LRRC7: variants seen among roughly 807,000 people sequenced by gnomAD.
LRRC7 encodes leucine-rich repeat-containing protein 7.
LRRC7 carries 23 observed loss-of-function variants against 175.7 expected under a neutral mutation model. That is an observed-to-expected ratio of 0.13 (90% confidence interval 0.09 to 0.19). The LOEUF (loss-of-function observed/expected upper bound fraction) is 0.19, where lower values mean the gene tolerates loss of function less well. Among genes scored for constraint, LRRC7 ranks in the 10% least tolerant of loss-of-function variants. The pLI is 1.00. For synonymous variants in LRRC7, 685 were observed against 680.9 expected, an observed-to-expected ratio of 1.01 and a Z score of -0.09; for missense variants, 1,354 against 1,904.7, an observed-to-expected ratio of 0.71 and a Z score of 5.38.
intron 4 of LRRC7, 26 bp from the exon 5 acceptor site, chr1:69,825,722 T>A: frequency 1.4e-6 from 2 of 1,433,332 alleles, no homozygotes; most frequent in Non-Finnish European, 1.9e-6. Context: ...AACATTTTCA[T>A]GTACTTTGTT....
chr1:70,109,078 A>G (rs182397444), intron 26 of LRRC7, among the ~76,000 whole-genome samples: 18 of 152,036 alleles, frequency 1.2e-4, no homozygotes, highest in African/African-American at 3.9e-4. Flanking sequence ...CTGGAGTGCA[A>G]TGGCACGATC....
chr1:70,100,271 C>A (rs934880434), intron 25 of LRRC7, among the ~76,000 whole-genome samples: 45 of 152,110 alleles, frequency 3.0e-4, no homozygotes, highest in Non-Finnish European at 8.8e-5. Context: ...TATATCATTT[C>A]TAAAAGCAAT....
chr1:69,739,901 C>A (rs1448464609), intron 2 of LRRC7, among the ~76,000 whole-genome samples: 4 of 152,028 alleles, frequency 2.6e-5, no homozygotes, highest in Non-Finnish European at 5.9e-5. Context: ...AAACTGAATG[C>A]ACTTAAGTGT....
At chr1:69,880,382 G>A (rs1686477354) in intron 7 of LRRC7, among the ~76,000 whole-genome samples, 1 of 152,216 alleles carries the variant, frequency 6.6e-6, no homozygotes, top group Admixed American at 6.5e-5. Flanking sequence ...CAGGGCAGAA[G>A]ATGGGGTAGA....
At chr1:69,948,331 A>G (rs1306976727) in intron 8 of LRRC7, among the ~76,000 whole-genome samples, 2 of 152,076 alleles carry the variant, frequency 1.3e-5, no homozygotes, top group Non-Finnish European at 2.9e-5. Context: ...CTTTTGTGTC[A>G]CTGTTTACTG....
chr1:70,031,719 T>A (rs1658740736), intron 18 of LRRC7, among the ~76,000 whole-genome samples: 1 of 152,118 alleles, frequency 6.6e-6, no homozygotes, highest in South Asian at 2.1e-4. Flanking sequence ...TTTCTGTTTA[T>A]CATTGATTTT....
intron 4 of LRRC7, among the ~76,000 whole-genome samples, chr1:69,802,617 G>A (rs1676649966): frequency 6.6e-6 from 1 of 151,234 alleles, no homozygotes; most frequent in Admixed American, 6.6e-5. Flanking sequence ...TTGCTTACCA[G>A]TAAGGTGAAT....
In LRRC7 at chr1:70,133,473, G is replaced by C. The variant is rs1325483453; in HGVS notation, c.*11586G>C. On this transcript the variant is annotated 3_prime_UTR_variant, in exon 27 of 27. Coordinates refer to ENST00000651989, the MANE Select transcript of LRRC7 (RefSeq NM_001370785.2). ...TGGGCTCTATCGATCCGACCGCCTC[G>C]GCCTCCCAAAGTGCTGGGATGGCCT... Among the ~76,000 whole-genome samples the C allele has an allele frequency of 6.6e-6, 1 of 152,024 alleles. No homozygotes were observed. The highest frequency in any genetic ancestry group is 1.5e-5 in the Non-Finnish European group (1 of 67,992).
chr1:69,867,429 G>T (rs1383771588), intron 7 of LRRC7, among the ~76,000 whole-genome samples: 1 of 152,164 alleles, frequency 6.6e-6, no homozygotes, highest in East Asian at 1.9e-4. Context: ...CCATACGAAA[G>T]GATTGGAACT....
At chr1:70,118,087 ACACACG>A (rs1665978881) in intron 26 of LRRC7, among the ~76,000 whole-genome samples, 1 of 150,594 alleles carries the variant, frequency 6.6e-6, no homozygotes, top group Admixed American at 6.6e-5. Context: ...ACACACACAC[ACACACG>A]CACACGAACA....
At chr1:69,890,789 G>A (rs141787441) in intron 7 of LRRC7, among the ~76,000 whole-genome samples, 99 of 152,272 alleles carry the variant, frequency 6.5e-4, no homozygotes, top group African/African-American at 1.9e-3. Context: ...AGCACTTGTC[G>A]CTTCACCTTG....
In LRRC7 at chr1:69,697,021, A is replaced by G. The variant is rs12082261; in HGVS notation, c.100+18543A>G. ...CTTTTCTACCTTCCTTTTTAAGATCAATCAGATCTGGGTCTATCCTTTTGC... is the reference window on the plus strand; with the variant it reads ...CTTTTCTACCTTCCTTTTTAAGATCGATCAGATCTGGGTCTATCCTTTTGC... On this transcript the variant is annotated intron_variant, in intron 2 of 26. Transcript: ENST00000651989. 6.9e-3 allele frequency among the ~76,000 whole-genome samples: 1,049 copies of G among 152,294 alleles called. 11 individuals carry two copies. The highest frequency in any genetic ancestry group is 0.024 in the African/African-American group (987 of 41,570).
rs531396339 is a variant in LRRC7 at position 70,064,642 on chromosome 1, G to T, written c.4231-11435G>T. ...ACTTTTTGGCACTGCTTGGTATTTT[G>T]TTGTTGTTGTTGTTGTTGTTGTTGT... On this transcript the variant is annotated intron_variant, in intron 23 of 26. Transcript: ENST00000651989. 1.1e-4 allele frequency among the ~76,000 whole-genome samples: 15 copies of T among 137,724 alleles called. No individual in the cohort carries two copies. The Middle Eastern group carries it at 0.011, about 102-fold the overall frequency. 90.4% of individuals were successfully genotyped at this position (137,724 alleles called of 152,430 possible).
intron 5 of LRRC7, among the ~76,000 whole-genome samples, chr1:69,833,009 G>A (rs1165115968): frequency 1.3e-5 from 2 of 151,894 alleles, no homozygotes. Flanking sequence ...GGAGGCTGGA[G>A]CAGGAGAATC....
chr1:69,814,345 A>G (rs966719935), intron 4 of LRRC7, among the ~76,000 whole-genome samples: 1 of 152,128 alleles, frequency 6.6e-6, no homozygotes, highest in Non-Finnish European at 1.5e-5. Context: ...AAATTATTGA[A>G]AGAATTAAAT....
chr1:69,631,883 T>C (rs1652563882), intron 1 of LRRC7, among the ~76,000 whole-genome samples: 1 of 152,096 alleles, frequency 6.6e-6, no homozygotes, highest in Non-Finnish European at 1.5e-5. Flanking sequence ...AGTATACATC[T>C]TAATCTTAAA....
At chr1:69,957,691 C>T (rs897080919) in intron 8 of LRRC7, among the ~76,000 whole-genome samples, 3 of 151,652 alleles carry the variant, frequency 2.0e-5, no homozygotes, top group Non-Finnish European at 4.4e-5. Flanking sequence ...TCTTTATGAC[C>T]CGAATGTTAT....
chr1:69,772,841 G>A (rs1427865431), intron 3 of LRRC7, among the ~76,000 whole-genome samples: 1 of 152,130 alleles, frequency 6.6e-6, no homozygotes, highest in African/African-American at 2.4e-5. Context: ...GATACAGGAA[G>A]AAAATTTATG....
Position 69,568,221 on chromosome 1 carries a change from C to T in LRRC7, c.-419C>T, listed in dbSNP as rs1646403822. On this transcript the variant is annotated 5_prime_UTR_variant, in exon 1 of 27. Coordinates refer to ENST00000651989, the MANE Select transcript of LRRC7 (RefSeq NM_001370785.2). ...GCCTTTCCTGCTTGTCTCTTCTCCG[C>T]CCAGGATTTATTGTCTGTGGAGCCT... Among the ~76,000 whole-genome samples, 1 of 152,042 alleles carries T rather than the reference C, an allele frequency of 6.6e-6. No homozygotes were observed. The highest frequency in any genetic ancestry group is 2.4e-5 in the African/African-American group (1 of 41,408).
Sources: gnomAD v4.1 joint callset for allele counts (sites outside exome capture counted in the v4.1 genomes callset) on GRCh38, gnomAD v4.1.1 for gene constraint, MANE v1.5 for transcripts, NCBI Gene and HGNC (gene_info 2026-07-23, HGNC 2026-07-21) for gene names.